CXADR: variants seen among roughly 807,000 people sequenced by gnomAD.
CXADR encodes coxsackievirus and adenovirus receptor.
In CXADR, 20 loss-of-function variants were observed where a neutral mutation model predicts 40.3. That is an observed-to-expected ratio of 0.50 (90% CI 0.35 to 0.72). CXADR has a LOEUF of 0.72. Ranked by LOEUF, CXADR falls within the 30% of genes least tolerant of loss-of-function variation. The probability of loss-of-function intolerance (pLI) is 0.01; values close to 1 mark genes in which losing one functional copy is unlikely to be tolerated. For synonymous variants in CXADR, 150 were observed against 161.3 expected (o/e 0.93, Z 0.53); for missense variants, 332 against 449.1 (o/e 0.74, Z 2.36).
intron 2 of CXADR, among the ~76,000 whole-genome samples, chr21:17,549,544 C>T (rs375686125): frequency 1.2e-4 from 19 of 152,346 alleles, no homozygotes; most frequent in African/African-American, 4.6e-4. Context: ...CCACTTCTTT[C>T]CTCAGCCTAA....
the CXADR span, among the ~76,000 whole-genome samples, chr21:17,622,762 CT>C: frequency 3.9e-5 from 6 of 152,126 alleles, no homozygotes; most frequent in Admixed American, 3.9e-4. Flanking sequence ...AAATATTGAA[CT>C]ATCATGGAGC....
At chr21:17,591,007 T>C (rs903467154) in intron 7 of CXADR, among the ~76,000 whole-genome samples, 1 of 152,098 alleles carries the variant, frequency 6.6e-6, no homozygotes, top group Non-Finnish European at 1.5e-5. Flanking sequence ...AATCAATAGA[T>C]ACTTTAATGT....
chr21:17,604,807 T>G, the CXADR span: 48 of 1,577,662 alleles, frequency 3.0e-5, 2 homozygotes, highest in South Asian at 5.4e-4. Context: ...CAGAATGTCA[T>G]AAAATTAGTT....
At chr21:17,537,104 G>A (rs1234816942) in intron 1 of CXADR, among the ~76,000 whole-genome samples, 1 of 152,184 alleles carries the variant, frequency 6.6e-6, no homozygotes, top group African/African-American at 2.4e-5. Context: ...TGGGGACAAG[G>A]TGGAGCAAGA....
chr21:17,576,663 A>G (rs1277093287), intron 7 of CXADR: 1 of 152,190 alleles, frequency 6.6e-6, no homozygotes, highest in African/African-American at 2.4e-5. Context: ...TTGGGCAGTA[A>G]GATTTATGGT....
chr21:17,594,714 G>C (rs1291324288), downstream of CXADR, among the ~76,000 whole-genome samples: 1 of 151,978 alleles, frequency 6.6e-6, no homozygotes, highest in African/African-American at 2.4e-5. Flanking sequence ...TGGAGCTGGA[G>C]GCCATTATCC....
chr21:17,572,508 A>G (rs1378194657), downstream of CXADR, among the ~76,000 whole-genome samples: 1 of 152,204 alleles, frequency 6.6e-6, no homozygotes, highest in Non-Finnish European at 1.5e-5. Flanking sequence ...GAACACGGAA[A>G]ACAGAACTCA....
At chr21:17,548,165 C>T (rs2060922503) in intron 2 of CXADR, among the ~76,000 whole-genome samples, 1 of 152,018 alleles carries the variant, frequency 6.6e-6, no homozygotes, top group East Asian at 1.9e-4. Flanking sequence ...TTTGTTTTTA[C>T]TTCATTTGTT....
In CXADR at chr21:17,569,643, TTTATC is replaced by T. The variant is rs2061259057; in HGVS notation, c.*3956_*3960del. 4 of 981,426 alleles carry T rather than the reference TTTATC, an allele frequency of 4.1e-6. No individual in the cohort carries two copies. Among genetic ancestry groups the T allele is most frequent in the African/African-American group, 1.8e-5 (1 of 57,110 alleles). 60.8% of individuals were successfully genotyped at this position (981,426 alleles called of 1,614,324 possible). ...ATTTATCTTTAGGGAAGGCTGATCATTTATCTTATAGCAGATAACCCCAGCCTCTT... is the reference window on the plus strand; with the variant it reads ...ATTTATCTTTAGGGAAGGCTGATCATTTATAGCAGATAACCCCAGCCTCTT... On this transcript the variant is annotated 3_prime_UTR_variant, in exon 7 of 7. Transcript: ENST00000284878.
In CXADR at chr21:17,590,418, A is replaced by G. The variant is rs2824381; in HGVS notation, c.1018-2734A>G. ...CCTTATGTTACCCTTAAAAGTATACATGAAAGAACAAAGGAACATAGAAGA... is the reference window on the plus strand; with the variant it reads ...CCTTATGTTACCCTTAAAAGTATACGTGAAAGAACAAAGGAACATAGAAGA... On this transcript the variant is annotated intron_variant, in intron 7 of 7. Coordinates refer to the CXADR transcript ENST00000400169. 6.4e-3 allele frequency among the ~76,000 whole-genome samples: 967 copies of G among 152,198 alleles called. 59 individuals are homozygous for G. In the East Asian group the frequency reaches 0.13, roughly 21 times the overall value.
chr21:17,602,596 A>G, the CXADR span, among the ~76,000 whole-genome samples: 1 of 152,196 alleles, frequency 6.6e-6, no homozygotes, highest in Admixed American at 6.5e-5. Flanking sequence ...TTGAATGAAC[A>G]CCTGACACTC....
downstream of CXADR, among the ~76,000 whole-genome samples, chr21:17,596,551 T>C (rs1362108178): frequency 1.3e-5 from 2 of 151,906 alleles, no homozygotes; most frequent in Non-Finnish European, 2.9e-5. Context: ...ACTTTCCCCA[T>C]TGAATTGCTT....
chr21:17,598,583 C>A, the CXADR span: 4 of 1,581,404 alleles, frequency 2.5e-6, no homozygotes, highest in Admixed American at 1.7e-5. Flanking sequence ...AATCCCTGCA[C>A]ATCCCTTTAA....
intron 1 of CXADR, among the ~76,000 whole-genome samples, chr21:17,522,284 G>T (rs1462501967): frequency 2.6e-5 from 4 of 151,918 alleles, no homozygotes; most frequent in Admixed American, 1.3e-4. Context: ...GAGTAGCTGG[G>T]ATTACAGGCA....
chr21:17,580,257 G>A (rs62239946), intron 7 of CXADR, among the ~76,000 whole-genome samples: 14,016 of 151,918 alleles, frequency 0.092, 752 homozygotes, highest in African/African-American at 0.13. Flanking sequence ...TCTCACTTCT[G>A]GGTTAACTTT....
chr21:17,578,247 T>A (rs952797708), intron 7 of CXADR, among the ~76,000 whole-genome samples: 3 of 152,242 alleles, frequency 2.0e-5, no homozygotes, highest in African/African-American at 7.2e-5. Flanking sequence ...ACCAGCAGTG[T>A]ACAAGAGTTC....
At position 17,565,418 on chromosome 21, in the gene CXADR, T is replaced by C. The variant is rs2061192357; in HGVS notation, c.834-10T>C. 3.1e-6 allele frequency: 5 copies of C among 1,612,764 alleles called. No homozygotes were observed. The South Asian group carries it at 4.4e-5, about 14-fold the overall frequency. On this transcript the variant is annotated splice_polypyrimidine_tract_variant and intron_variant, in intron 6 of 6. Coordinates refer to ENST00000284878, the MANE Select transcript of CXADR (RefSeq NM_001338.5). Reference sequence around the variant, plus strand: ...TTCTCTTGACATGTATTGGGGATTTTGCTTTGCAGGGAAGATGTGCCACCT... The same window carrying C: ...TTCTCTTGACATGTATTGGGGATTTCGCTTTGCAGGGAAGATGTGCCACCT...
intron 1 of CXADR, chr21:17,530,489 CT>C (rs1228236617): frequency 2.0e-5 from 9 of 444,898 alleles, no homozygotes; most frequent in Admixed American, 5.0e-5. Context: ...CTGATGGACC[CT>C]TTTTCCCAGC....
chr21:17,604,598 C>T, the CXADR span, among the ~76,000 whole-genome samples: 5 of 152,228 alleles, frequency 3.3e-5, no homozygotes, highest in African/African-American at 1.2e-4. Context: ...TAGGTGTCTA[C>T]TTCTTGGTCT....
Sources: gnomAD v4.1 joint callset for allele counts (sites outside exome capture counted in the v4.1 genomes callset) on GRCh38, gnomAD v4.1.1 for gene constraint, MANE v1.5 for transcripts, NCBI Gene and HGNC (gene_info 2026-07-23, HGNC 2026-07-21) for gene names.